Variants in ACTB observed in about 807,000 individuals in gnomAD.
ACTB encodes actin beta, also known as actin, cytoplasmic 1.
Under a neutral mutation model 30.5 loss-of-function variants are expected in ACTB, and 2 were observed. That is an observed-to-expected ratio of 0.07 (90% CI 0.03 to 0.21). The LOEUF (loss-of-function observed/expected upper bound fraction) is 0.21, where lower values mean the gene tolerates loss of function less well. ACTB is among the 10% of genes least tolerant of loss of function. The probability of loss-of-function intolerance (pLI) is 1.00; values close to 1 mark genes in which losing one functional copy is unlikely to be tolerated. For missense variants in ACTB, 56 were observed against 530.0 expected (o/e 0.11, Z 8.78); for synonymous variants, 335 against 217.6 (o/e 1.54, Z -4.75).
intron 3 of ACTB, 117 bp from the exon 4 acceptor site, chr7:5,528,836 G>A (rs1475181692): frequency 1.4e-6 from 2 of 1,441,790 alleles, no homozygotes; most frequent in African/African-American, 1.4e-5. Flanking sequence ...GTCTTGGGAT[G>A]GGGAGTCTGT....
At chr7:5,529,012 A>T in intron 3 of ACTB, 149 bp downstream of exon 3, 1 of 1,608,310 alleles carries the variant, frequency 6.2e-7, no homozygotes, top group Non-Finnish European at 8.5e-7. Flanking sequence ...GAAAAAGCAA[A>T]TAGAACCTGC....
Position 5,528,426 on chromosome 7 carries a change from G to A in ACTB, c.657C>T (p.Val219=), listed in dbSNP as rs143046775. ...CCATCTCTTGCTCGAAGTCCAGGGC[G>A]ACGTAGCACAGCTTCTCCTTAATGT... is the stretch of plus-strand genomic sequence containing the variant. ...VRDIKEKLCY[V]ALDFEQEMAT... Residue 219 remains valine, a synonymous_variant, in exon 4 of 6, where the codon GTC becomes GTT. Transcript: ENST00000646664. 3.7e-5 allele frequency: 60 copies of A among 1,613,980 alleles called. No individual in the cohort carries two copies. The highest frequency in any genetic ancestry group is 4.2e-5 in the Non-Finnish European group (49 of 1,180,054).
chr7:5,527,639 A>C lies in ACTB; in HGVS notation c.*109T>G, dbSNP rs11546928. On this transcript the variant is annotated 3_prime_UTR_variant, in exon 6 of 6. Coordinates refer to ENST00000646664, the MANE Select transcript of ACTB (RefSeq NM_001101.5). ...GAGTCAAGCCAAAAAAAAAAAAAAAACCAAAACAAAACAAAAAAAACAAAT... is the reference window on the plus strand; with the variant it reads ...GAGTCAAGCCAAAAAAAAAAAAAAACCCAAAACAAAACAAAAAAAACAAAT... The C allele has an allele frequency of 8.6e-6, 13 of 1,505,352 alleles. No homozygotes were observed. The highest frequency in any genetic ancestry group is 3.6e-5 in the South Asian group (3 of 83,074). 93.2% of individuals were successfully genotyped at this position (1,505,352 alleles called of 1,614,324 possible). A position where few individuals can be genotyped will look rare whatever the true frequency, so the allele number is the denominator to read the frequency against.
rs1240714871 is a variant in ACTB at position 5,529,631 on chromosome 7, G to T, written c.27C>A (p.Val9=). MDDDIAAL[V]VDNGSGMCKA... is the part of the protein sequence containing the mutation. ...TGCACATGCCGGAGCCGTTGTCGAC[G>T]ACGAGCGCGGCGATATCATCATCCA... The change falls in exon 2 of 6, where the codon GTC becomes GTA. Residue 9 remains valine (V), a synonymous_variant. Coordinates refer to ENST00000646664, the MANE Select transcript of ACTB (RefSeq NM_001101.5). 1 of 1,611,380 alleles carries T rather than the reference G, an allele frequency of 6.2e-7. No homozygotes were observed. The highest frequency in any genetic ancestry group is 8.5e-7 in the Non-Finnish European group (1 of 1,179,732).
chr7:5,529,834 T>C (rs2128241509), intron 1 of ACTB, 171 bp from the exon 2 acceptor site: 1 of 1,123,984 alleles, frequency 8.9e-7, no homozygotes, highest in Non-Finnish European at 1.3e-6. Context: ...GTCGGAGGCG[T>C]CCCCGCGGCG....
At chr7:5,530,475 CTGCGGCCGGGCCGTGAGCCGCCT>C (rs1234792648) in intron 1 of ACTB, 26 bp downstream of exon 1, 4 of 64,112 alleles carry the variant, frequency 6.2e-5, no homozygotes, top group African/African-American at 2.6e-4. Flanking sequence ...CCGCGGCCGC[CTGCGGCCGGGCCGTGAGCCGCCT>C]GCCCCGGTCG....
intron 2 of ACTB, 34 bp from the exon 3 acceptor site, chr7:5,529,434 G>A (rs375725043): frequency 1.4e-5 from 22 of 1,613,580 alleles, no homozygotes; most frequent in Admixed American, 1.7e-5. Flanking sequence ...CCTGAGCACG[G>A]GCGCAGCCCC....
In ACTB at chr7:5,528,130, G is replaced by A. The variant is rs150105166; in HGVS notation, c.858C>T (p.Asp286=). 78 of 1,614,178 alleles carry A rather than the reference G, an allele frequency of 4.8e-5. No homozygotes were observed. Among genetic ancestry groups the A allele is most frequent in the South Asian group, 8.8e-5 (8 of 91,084 alleles). The change falls in exon 5 of 6, where the codon GAC becomes GAT. Residue 286 remains aspartate (D), a synonymous_variant. Transcript: ENST00000646664. ...CGTACAGGTCTTTGCGGATGTCCACGTCACACTTCATGATGGAGTTGAAGG... is the reference window on the plus strand; with the variant it reads ...CGTACAGGTCTTTGCGGATGTCCACATCACACTTCATGATGGAGTTGAAGG... ...ETTFNSIMKC[D]VDIRKDLYAN...
At position 5,529,365 on chromosome 7, in the gene ACTB, A is replaced by G. The variant is rs1435184132; in HGVS notation, c.159T>C (p.Tyr53=). ...TCTTGCTCTGGGCCTCGTCGCCCAC[A>G]TAGGAATCCTTCTGACCCATGCCCA... ...VMVGMGQKDS[Y]VGDEAQSKRG... is the part of the protein sequence containing the mutation. The change falls in exon 3 of 6, where the codon TAT becomes TAC. Residue 53 remains tyrosine, a synonymous_variant. Transcript: ENST00000646664. 1.9e-6 allele frequency: 3 copies of G among 1,614,028 alleles called. No homozygotes were observed. The highest frequency in any genetic ancestry group is 1.1e-5 in the South Asian group (1 of 91,086).
At chr7:5,530,101 C>G (rs1285343269) in intron 1 of ACTB, 1 of 152,754 alleles carries the variant, frequency 6.5e-6, no homozygotes, top group East Asian at 1.9e-4. Context: ...CCTTGAGTCC[C>G]AGCGCGCACG....
intron 3 of ACTB, 158 bp downstream of exon 3, chr7:5,529,003 A>C (rs1360522077): frequency 1.9e-6 from 3 of 1,603,522 alleles, no homozygotes; most frequent in Non-Finnish European, 2.6e-6. Flanking sequence ...CTCATCTGGG[A>C]AAAAGCAAAT....
At chr7:5,529,434 G>T (rs375725043) in intron 2 of ACTB, 34 bp from the exon 3 acceptor site, 152 of 1,613,698 alleles carry the variant, frequency 9.4e-5, no homozygotes, top group Non-Finnish European at 1.3e-4. Context: ...CCTGAGCACG[G>T]GCGCAGCCCC....
At chr7:5,528,988 A>T (rs1351796521) in intron 3 of ACTB, 173 bp downstream of exon 3, 2 of 1,589,608 alleles carry the variant, frequency 1.3e-6, no homozygotes, top group East Asian at 4.5e-5. Context: ...ACACCAGAAA[A>T]AGAGCTCATC....
At chr7:5,530,040 C>T (rs1222929534) in intron 1 of ACTB, 1 of 156,278 alleles carries the variant, frequency 6.4e-6, no homozygotes, top group African/African-American at 2.4e-5. Flanking sequence ...CCGCCTTCGC[C>T]CCAGCCCAGG....
chr7:5,529,104 C>G, intron 3 of ACTB, 57 bp downstream of exon 3: 1 of 1,613,564 alleles, frequency 6.2e-7, no homozygotes, highest in Non-Finnish European at 8.5e-7. Flanking sequence ...AAGGGCGCAG[C>G]TCCGGGAGGC....
At chr7:5,529,777 A>G in intron 1 of ACTB, 114 bp from the exon 2 acceptor site, 1 of 1,532,892 alleles carries the variant, frequency 6.5e-7, no homozygotes, top group Non-Finnish European at 8.9e-7. Flanking sequence ...GATTGGGGAC[A>G]AAGGAAGCCG....
At position 5,527,898 on chromosome 7, in the gene ACTB, A is replaced by T. The variant is rs1784799522; in HGVS notation, c.985-7T>A. The T allele has an allele frequency of 1.2e-6, 2 of 1,612,930 alleles. No homozygotes were observed. The highest frequency in any genetic ancestry group is 1.7e-4 in the Middle Eastern group (1 of 6,060). ...GCTCAGGAGGAGCAATGATCTGAGG[A>T]GGGAAGGGGACAGGCAGTGAGGACC... On this transcript the variant is annotated splice_polypyrimidine_tract_variant and splice_region_variant and intron_variant, in intron 5 of 5. Coordinates refer to ENST00000646664, the MANE Select transcript of ACTB (RefSeq NM_001101.5).
At chr7:5,529,458 G>T in intron 2 of ACTB, 58 bp from the exon 3 acceptor site, 2 of 1,613,370 alleles carry the variant, frequency 1.2e-6, no homozygotes, top group South Asian at 2.2e-5. Context: ...CCCGGAAACC[G>T]GGAGGCTCCT....
intron 3 of ACTB, chr7:5,528,921 G>A (rs1313671723): frequency 1.8e-5 from 26 of 1,476,448 alleles, no homozygotes; most frequent in Non-Finnish European, 2.1e-5. Context: ...TGTCACACGA[G>A]CCAGTGTTAG....
Sources: allele counts gnomAD v4.1 joint callset, GRCh38; gene constraint gnomAD v4.1.1; transcripts MANE v1.5; gene names NCBI Gene and HGNC (gene_info 2026-07-23, HGNC 2026-07-21).